The following DENND4B variants were observed in gnomAD, a reference collection of about 807,000 sequenced individuals.
DENND4B encodes DENN domain containing 4B.
Under a neutral mutation model 161.0 loss-of-function variants are expected in DENND4B, and 67 were observed. The observed-to-expected ratio is 0.42, with a 90% CI of 0.34 to 0.51. The LOEUF (loss-of-function observed/expected upper bound fraction) is 0.51. Among genes scored for constraint, DENND4B ranks in the 20% least tolerant of loss-of-function variants. The pLI, the probability that DENND4B is intolerant of heterozygous loss-of-function variation, is 0.08. For missense variants in DENND4B, 1,481 were observed against 1,968.0 expected, an observed-to-expected ratio of 0.75 and a Z score of 4.68; for synonymous variants, 753 against 813.8, an observed-to-expected ratio of 0.93 and a Z score of 1.27.
At position 153,940,034 on chromosome 1, in the gene DENND4B, C is replaced by A; in HGVS notation, c.1603+122G>T. 2 of 943,478 alleles carry A rather than the reference C, an allele frequency of 2.1e-6. No homozygotes were observed. Among genetic ancestry groups the A allele is most frequent in the Non-Finnish European group, 3.1e-6 (2 of 637,412 alleles). 58.4% of individuals were successfully genotyped at this position (943,478 alleles called of 1,614,324 possible). A position where few individuals can be genotyped will look rare whatever the true frequency, so the allele number is the denominator to read the frequency against. On this transcript the variant is annotated intron_variant, in intron 11 of 27. Transcript: ENST00000361217. The surrounding 1 kb of genome is among the most constrained non-coding windows in gnomAD (Gnocchi z 5.6). ...GAATTGGAATCTCCCTCAGTTCCAC[C>A]AAATGCAATCCTAACTTCACTCACC...
rs1276511261 is a variant in DENND4B, at chr1:153,944,562, C to A, written c.-23-165G>T. The stretch of plus-strand genomic sequence containing the variant: ...CCCCCTGTGACATCACTGCCCACCA[C>A]AGCTTCTTAAAGAGACCAGATCCCT... On this transcript the variant is annotated intron_variant, in intron 1 of 27. Coordinates refer to ENST00000361217, the MANE Select transcript of DENND4B (RefSeq NM_014856.3). The surrounding 1 kb of genome is among the most constrained non-coding windows in gnomAD (Gnocchi z 4.8). 6.6e-6 allele frequency among the ~76,000 whole-genome samples: 1 copy of A among 152,224 alleles called. No homozygotes were observed. Among genetic ancestry groups the A allele is most frequent in the Non-Finnish European group, 1.5e-5 (1 of 68,032 alleles).
At position 153,933,034 on chromosome 1, in the gene DENND4B, T is replaced by TG. The variant is rs753835933; in HGVS notation, c.3454-5dup. 6.2e-7 allele frequency: 1 copy of TG among 1,613,286 alleles called. No homozygotes were observed. Among genetic ancestry groups the TG allele is most frequent in the South Asian group, 1.1e-5 (1 of 91,058 alleles). Reference sequence around the variant, plus strand: ...GGGAGCAGCTGGACAGCAGAATCTGTGGGCAGGGAGAGTCGGGAAGTAGGT... The same window carrying TG: ...GGGAGCAGCTGGACAGCAGAATCTGTGGGGCAGGGAGAGTCGGGAAGTAGGT... On this transcript the variant is annotated splice_region_variant and splice_polypyrimidine_tract_variant and intron_variant, in intron 21 of 27. Coordinates refer to ENST00000361217, the MANE Select transcript of DENND4B (RefSeq NM_014856.3). The surrounding 1 kb of genome is among the most constrained non-coding windows in gnomAD (Gnocchi z 5.7).
At position 153,937,777 on chromosome 1, in the gene DENND4B, T is replaced by C. The variant is rs1383138912; in HGVS notation, c.2052A>G (p.Thr684=). 2 of 1,613,382 alleles carry C rather than the reference T, an allele frequency of 1.2e-6. No individual in the cohort carries two copies. Residue 684 remains threonine (T), a synonymous_variant, in exon 14 of 28, where the codon ACA becomes ACG. Coordinates refer to ENST00000361217, the MANE Select transcript of DENND4B (RefSeq NM_014856.3). The surrounding 1 kb of genome is among the most constrained non-coding windows in gnomAD (Gnocchi z 4.7). ...LSGSELTVFI[T]PPEEPALPEG... ...CTGGTAAGGCAGGCTCCTCGGGAGG[T>C]GTGATAAAGACAGTGAGCTCACTTC...
Position 153,942,783 on chromosome 1 carries a change from G to T in DENND4B, c.570+95C>A. On this transcript the variant is annotated intron_variant, in intron 3 of 27. Coordinates refer to ENST00000361217, the MANE Select transcript of DENND4B (RefSeq NM_014856.3). The surrounding 1 kb of genome is among the most constrained non-coding windows in gnomAD (Gnocchi z 6.9). ...GTTACCCCTCTGGACTCACCCCTGT[G>T]GTCAGAGCCTTGGTCCTGGGATGCC... 1 of 1,499,544 alleles carries T rather than the reference G, an allele frequency of 6.7e-7. No homozygotes were observed. Among genetic ancestry groups the T allele is most frequent in the South Asian group, 1.4e-5 (1 of 74,008 alleles). 92.9% of individuals were successfully genotyped at this position (1,499,544 alleles called of 1,614,324 possible). A position where few individuals can be genotyped will look rare whatever the true frequency, so the allele number is the denominator to read the frequency against.
chr1:153,940,481 G>A lies in DENND4B; in HGVS notation c.1452C>T (p.Asp484=). 1 of 1,613,210 alleles carries A rather than the reference G, an allele frequency of 6.2e-7. No homozygotes were observed. ...GIHSSYFDLH[D]PPADVICVDL... ...CTACACAGATGACATCAGCAGGCGG[G>A]TCATGCAGATCAAAGTAGCTGGAGT... The change falls in exon 10 of 28, where the codon GAC becomes GAT. Residue 484 remains aspartate (D), a synonymous_variant. Coordinates refer to ENST00000361217, the MANE Select transcript of DENND4B (RefSeq NM_014856.3). This position sits in a 1 kb window ranked among gnomAD's most constrained non-coding sequence, Gnocchi z 5.6.
chr1:153,930,135 A>T lies in DENND4B; in HGVS notation c.*162T>A. Reference sequence around the variant, plus strand: ...TGATGGGGGAATCAGGACTTTTGGTAACAGTGGATCCCTCTTCCTGTTGTC... The same window carrying T: ...TGATGGGGGAATCAGGACTTTTGGTTACAGTGGATCCCTCTTCCTGTTGTC... On this transcript the variant is annotated 3_prime_UTR_variant, in exon 28 of 28. Transcript: ENST00000361217. This position sits in a 1 kb window ranked among gnomAD's most constrained non-coding sequence, Gnocchi z 4.7. 1.0e-6 allele frequency: 1 copy of T among 979,324 alleles called. No homozygotes were observed. Among genetic ancestry groups the T allele is most frequent in the Non-Finnish European group, 1.5e-6 (1 of 683,630 alleles). 60.7% of individuals were successfully genotyped at this position (979,324 alleles called of 1,614,324 possible).
chr1:153,937,841 G>A lies in DENND4B; in HGVS notation c.1988C>T (p.Pro663Leu). Residue 663 changes from proline to leucine, a missense_variant, in exon 14 of 28, where the codon CCT becomes CTT. Physicochemically the swap from Pro to Leu is moderately conservative, Grantham distance 98 (BLOSUM62 -3). Transcript: ENST00000361217. This position sits in a 1 kb window ranked among gnomAD's most constrained non-coding sequence, Gnocchi z 4.7. ...TAGCTCCACTAAGGGTGTCGGCTCA[G>A]GCTTCTCCTGCTCTGGGTGGACCTG... ...VEKVHPEQEK[P>L]EPTPLVELEE... The A allele has an allele frequency of 6.2e-7, 1 of 1,614,014 alleles. No homozygotes were observed. The highest frequency in any genetic ancestry group is 8.5e-7 in the Non-Finnish European group (1 of 1,179,894).
chr1:153,936,636 TAGGC>T lies in DENND4B; in HGVS notation c.2341_2344del (p.Ala781MetfsTer38). 3 of 1,613,518 alleles carry T rather than the reference TAGGC, an allele frequency of 1.9e-6. No homozygotes were observed. Among genetic ancestry groups the T allele is most frequent in the Non-Finnish European group, 2.5e-6 (3 of 1,179,680 alleles). On this transcript the variant is annotated frameshift_variant, in exon 16 of 28. Transcript: ENST00000361217. LOFTEE classifies it high-confidence loss of function. This position sits in a 1 kb window ranked among gnomAD's most constrained non-coding sequence, Gnocchi z 4.1. Reference sequence around the variant, plus strand: ...CACTCGGGAGGGTGCCGACCGCACATAGGCAGGCAGACACAGGAACCACAGCCCA... The same window carrying T: ...CACTCGGGAGGGTGCCGACCGCACATAGGCAGACACAGGAACCACAGCCCA...
At position 153,930,654 on chromosome 1, in the gene DENND4B, C is replaced by T. The variant is rs756983556; in HGVS notation, c.4280+38G>A. On this transcript the variant is annotated intron_variant, in intron 26 of 27. Coordinates refer to ENST00000361217, the MANE Select transcript of DENND4B (RefSeq NM_014856.3). This position sits in a 1 kb window ranked among gnomAD's most constrained non-coding sequence, Gnocchi z 4.7. ...GTGAGAGAAAAGGGGTGTGGAGCCCCGGACAGACCAGGGATCACCCAGATG... is the reference window on the plus strand; with the variant it reads ...GTGAGAGAAAAGGGGTGTGGAGCCCTGGACAGACCAGGGATCACCCAGATG... 8.1e-6 allele frequency: 13 copies of T among 1,613,404 alleles called. No individual in the cohort carries two copies. The highest frequency in any genetic ancestry group is 3.3e-5 in the South Asian group (3 of 90,996).
chr1:153,932,943 A>C lies in DENND4B; in HGVS notation c.3541T>G (p.Ser1181Ala), dbSNP rs771469533. Residue 1181 changes from serine to alanine, a missense_variant, in exon 22 of 28, where the codon TCT becomes GCT. By Grantham distance (99) the Ser-to-Ala change is moderately conservative. Transcript: ENST00000361217. This position sits in a 1 kb window ranked among gnomAD's most constrained non-coding sequence, Gnocchi z 5.8. ...AAGGGGCAGGTTGTGTTGAGGTTAG[A>C]GTCATCAGGTGCCCAGCCAGCCATG... ...EIMAGWAPDD[S>A]NLNTTCPFCA... 2 of 1,614,016 alleles carry C rather than the reference A, an allele frequency of 1.2e-6. No homozygotes were observed. Among genetic ancestry groups the C allele is most frequent in the Non-Finnish European group, 1.7e-6 (2 of 1,179,876 alleles).
rs1678811997 is a variant in DENND4B at position 153,930,025 on chromosome 1, C to T, written c.*272G>A. 6.5e-6 allele frequency: 3 copies of T among 461,538 alleles called. No individual in the cohort carries two copies. The highest frequency in any genetic ancestry group is 1.2e-5 in the Non-Finnish European group (3 of 258,216). The allele number at this position is 461,538 out of a possible 1,614,324, so 28.6% of individuals were successfully genotyped here. Reference sequence around the variant, plus strand: ...TGTGGGTACCCTGGAGGGGAGTTCCCGGTATAGGACAAGGGAAGAACAGAG... The same window carrying T: ...TGTGGGTACCCTGGAGGGGAGTTCCTGGTATAGGACAAGGGAAGAACAGAG... On this transcript the variant is annotated 3_prime_UTR_variant, in exon 28 of 28. Transcript: ENST00000361217. This position sits in a 1 kb window ranked among gnomAD's most constrained non-coding sequence, Gnocchi z 4.7.
chr1:153,942,300 C>T lies in DENND4B; in HGVS notation c.697G>A (p.Val233Met). ...CCCATGGGCAGGCAGAAGACGGGCA[C>T]TGACTCGGGCAGCGGGAACGCCTCA... is the stretch of plus-strand genomic sequence containing the variant. Reference protein sequence around the residue: ...DNEAFPLPESVPVFCLPMGAT... With the variant: ...DNEAFPLPESMPVFCLPMGAT... The change falls in exon 5 of 28, where the codon GTG becomes ATG. Residue 233 changes from valine to methionine, a missense_variant. Transcript: ENST00000361217. This position sits in a 1 kb window ranked among gnomAD's most constrained non-coding sequence, Gnocchi z 6.9. 6.2e-7 allele frequency: 1 copy of T among 1,613,760 alleles called. No individual in the cohort carries two copies. The highest frequency in any genetic ancestry group is 8.5e-7 in the Non-Finnish European group (1 of 1,179,822).
Position 153,940,681 on chromosome 1 carries a change from A to G in DENND4B, c.1327-75T>C. Reference sequence around the variant, plus strand: ...TGGGAGGCACAGGAGAGAGAAAGAGAGGGCATTGGCCTTGGGGAGTTGGTG... The same window carrying G: ...TGGGAGGCACAGGAGAGAGAAAGAGGGGGCATTGGCCTTGGGGAGTTGGTG... On this transcript the variant is annotated intron_variant, in intron 9 of 27. Transcript: ENST00000361217. This position sits in a 1 kb window ranked among gnomAD's most constrained non-coding sequence, Gnocchi z 5.6. 6.4e-7 allele frequency: 1 copy of G among 1,551,706 alleles called. No homozygotes were observed. Among genetic ancestry groups the G allele is most frequent in the Admixed American group, 1.9e-5 (1 of 51,862 alleles).
At position 153,941,388 on chromosome 1, in the gene DENND4B, G is replaced by A. The variant is rs767063284; in HGVS notation, c.1108C>T (p.Arg370Cys). The A allele has an allele frequency of 1.4e-5, 22 of 1,613,430 alleles. No individual in the cohort carries two copies. Among genetic ancestry groups the A allele is most frequent in the South Asian group, 8.8e-5 (8 of 90,984 alleles). ...NVPFPSPQRPRILVQMSPYDN... is the reference protein window; with the variant it reads ...NVPFPSPQRPCILVQMSPYDN... ...TCAGCTCTCACCTGCACTAGGATGCGGGGTCTCTGTGGGGAAGGGAAGGGA... is the reference window on the plus strand; with the variant it reads ...TCAGCTCTCACCTGCACTAGGATGCAGGGTCTCTGTGGGGAAGGGAAGGGA... Residue 370 changes from arginine (R) to cysteine (C), a missense_variant, in exon 7 of 28, where the codon CGC becomes TGC. Transcript: ENST00000361217.
chr1:153,945,042 C>T (rs536466385), intron 1 of DENND4B: 160 of 1,247,036 alleles, frequency 1.3e-4, no homozygotes, highest in Non-Finnish European at 1.6e-4. Context: ...TCGTTAGATC[C>T]AAAGCAGTTG....
chr1:153,941,098 C>A, intron 8 of DENND4B, 50 bp from the exon 9 acceptor site: 1 of 1,557,578 alleles, frequency 6.4e-7, no homozygotes, highest in Non-Finnish European at 8.7e-7. Context: ...ACCCTGGGGA[C>A]CCTTCCCCAG....
intron 2 of DENND4B, 140 bp downstream of exon 2, chr1:153,943,918 T>C: frequency 1.1e-6 from 1 of 917,632 alleles, no homozygotes; most frequent in South Asian, 2.1e-5. Context: ...TACATACAAC[T>C]TCAGTCCTTC....
rs3835302 is a variant in DENND4B at position 153,934,802 on chromosome 1, C to CCTG, written c.2728_2730dup (p.Gln910dup). The CCTG allele has an allele frequency of 4.0e-3, 6,359 of 1,590,632 alleles. 119 individuals carry two copies. In the African/African-American group the frequency reaches 0.073, roughly 18 times the overall value. ...GCCTCTTGATGTGCTGACACCTGCT[C>CCTG]CTGCTGCTGCTGCTGCTGCTGCTGC... On this transcript the variant is annotated inframe_insertion, in exon 18 of 28. Coordinates refer to ENST00000361217, the MANE Select transcript of DENND4B (RefSeq NM_014856.3). The surrounding 1 kb of genome is among the most constrained non-coding windows in gnomAD (Gnocchi z 5.3).
chr1:153,935,566 C>T (rs1679285618), intron 17 of DENND4B, among the ~76,000 whole-genome samples: 1 of 152,184 alleles, frequency 6.6e-6, no homozygotes, highest in Non-Finnish European at 1.5e-5. Flanking sequence ...AGGCTGGTCT[C>T]GAACTCCTGA....
Sources: allele counts gnomAD v4.1 joint callset (sites outside exome capture counted in the v4.1 genomes callset), GRCh38; gene constraint gnomAD v4.1.1; non-coding constraint Gnocchi (gnomAD v3.1); transcripts MANE v1.5; gene names NCBI Gene and HGNC (gene_info 2026-07-23, HGNC 2026-07-21).